Variants in ERICH6 observed in about 807,000 individuals in gnomAD.
ERICH6 encodes glutamate rich 6, also known as glutamate-rich protein 6.
Under a neutral mutation model 71.0 loss-of-function variants are expected in ERICH6, and 71 were observed. The observed-to-expected ratio is 1.00, with a 90% CI of 0.83 to 1.22. The LOEUF is 1.22. Among genes scored for constraint, ERICH6 ranks in the 50% most tolerant of loss-of-function variants. The pLI is 0.00. For missense variants in ERICH6, 808 were observed against 797.2 expected (o/e 1.01, Z -0.16); for synonymous variants, 262 against 278.4 (o/e 0.94, Z 0.59).
At chr3:150,694,598 C>T (rs1463263648) in intron 3 of ERICH6, among the ~76,000 whole-genome samples, 3 of 152,186 alleles carry the variant, frequency 2.0e-5, no homozygotes, top group African/African-American at 7.2e-5. Context: ...TCCTCCTTTC[C>T]TTCTGACCTG....
At chr3:150,697,865 T>C (rs1323441918) in intron 3 of ERICH6, among the ~76,000 whole-genome samples, 1 of 152,244 alleles carries the variant, frequency 6.6e-6, no homozygotes, top group African/African-American at 2.4e-5. Flanking sequence ...CTCAGATCTC[T>C]GTGATCTCAT....
Position 150,659,922 on chromosome 3 carries a change from T to G in ERICH6, c.1962A>C (p.Thr654=). Residue 654 remains threonine (T), a synonymous_variant, in exon 14 of 14, where the codon ACA becomes ACC. Transcript: ENST00000295910. ...TTTCTTCATTTATTATATTTCTTAT[T>G]GTCTTCATTATATCTTGCTTTATAC... ...SSGIKQDIMK[T]IRNIINEEI is the part of the protein sequence containing the mutation. 1 of 1,608,980 alleles carries G rather than the reference T, an allele frequency of 6.2e-7. No homozygotes were observed. Among genetic ancestry groups the G allele is most frequent in the Non-Finnish European group, 8.5e-7 (1 of 1,175,940 alleles).
chr3:150,695,212 G>A (rs1042811137), intron 3 of ERICH6, among the ~76,000 whole-genome samples: 16 of 152,138 alleles, frequency 1.1e-4, no homozygotes, highest in Non-Finnish European at 2.2e-4. Flanking sequence ...CTATTCACAC[G>A]AAATGTAATT....
Position 150,686,334 on chromosome 3 carries a change from T to C in ERICH6, c.574A>G (p.Lys192Glu), listed in dbSNP as rs774442299. The C allele has an allele frequency of 2.2e-5, 36 of 1,614,188 alleles. 1 individual carries two copies. Among genetic ancestry groups the C allele is most frequent in the Non-Finnish European group, 3.1e-5 (36 of 1,180,022 alleles). ...VQSRKKASKE[K>E]AEPECLASKL... ...GATGCCAGACATTCAGGTTCAGCTT[T>C]CTCTTTAGAGGCTTTCTTCCCTGTG... Residue 192 changes from lysine to glutamate, a missense_variant, in exon 4 of 14, where the codon AAA becomes GAA. By Grantham distance (56) the Lys-to-Glu change is moderately conservative. Around this residue, in one of 3 missense-constraint regions of ERICH6, gnomAD observed 736 missense variants for 712.2 expected, o/e 1.03. Coordinates refer to ENST00000295910, the MANE Select transcript of ERICH6 (RefSeq NM_152394.5).
chr3:150,691,240 G>A (rs541996236), intron 3 of ERICH6, among the ~76,000 whole-genome samples: 84 of 152,220 alleles, frequency 5.5e-4, no homozygotes, highest in African/African-American at 1.9e-3. Context: ...ACTTGTAGAT[G>A]AACTCATTAT....
At chr3:150,693,566 T>C (rs1712532940) in intron 3 of ERICH6, among the ~76,000 whole-genome samples, 1 of 152,240 alleles carries the variant, frequency 6.6e-6, no homozygotes, top group African/African-American at 2.4e-5. Context: ...TATCTGAGAT[T>C]CTTTCTATAG....
chr3:150,686,101 C>T (rs1257149482), intron 4 of ERICH6, 80 bp from the exon 5 acceptor site: 3 of 1,280,672 alleles, frequency 2.3e-6, no homozygotes, highest in Admixed American at 1.7e-5. Flanking sequence ...TGGAGATTCA[C>T]ACCCACCATC....
At chr3:150,660,241 T>C (rs1246041031) in intron 13 of ERICH6, 86 bp from the exon 14 acceptor site, 19 of 1,467,548 alleles carry the variant, frequency 1.3e-5, no homozygotes, top group Non-Finnish European at 1.8e-5. Context: ...GGCACTTATG[T>C]GGGGTTGGAT....
At chr3:150,675,858 C>CTTT (rs75713453) in intron 10 of ERICH6, among the ~76,000 whole-genome samples, 1 of 130,946 alleles carries the variant, frequency 7.6e-6, no homozygotes, top group African/African-American at 2.8e-5. Context: ...TCTTTCTTTC[C>CTTT]TTTTTTTTTT....
intron 3 of ERICH6, among the ~76,000 whole-genome samples, chr3:150,692,698 T>C (rs555557496): frequency 3.3e-5 from 5 of 152,300 alleles, no homozygotes; most frequent in Admixed American, 3.3e-4. Context: ...ATTATAATTA[T>C]GTTAAATTAT....
chr3:150,665,515 C>CAAAAAAAA (rs59227415), intron 13 of ERICH6, among the ~76,000 whole-genome samples: 20 of 63,422 alleles, frequency 3.2e-4, no homozygotes, highest in East Asian at 1.2e-3. Context: ...GACTCCATCT[C>CAAAAAAAA]AAAAAAAAAA....
At chr3:150,696,139 A>G (rs1383364680) in intron 3 of ERICH6, among the ~76,000 whole-genome samples, 1 of 152,064 alleles carries the variant, frequency 6.6e-6, no homozygotes, top group African/African-American at 2.4e-5. Flanking sequence ...ATGTACACAC[A>G]TGAAATATAT....
At chr3:150,699,808 T>C (rs1712796614) in intron 2 of ERICH6, among the ~76,000 whole-genome samples, 1 of 150,740 alleles carries the variant, frequency 6.6e-6, no homozygotes, top group South Asian at 2.1e-4. Context: ...AAATTTCAAA[T>C]ATGAATCCTC....
At chr3:150,683,452 A>T (rs1712050351) in intron 6 of ERICH6, among the ~76,000 whole-genome samples, 1 of 152,106 alleles carries the variant, frequency 6.6e-6, no homozygotes. Flanking sequence ...GGGTGAAGCA[A>T]GATGGAGATA....
chr3:150,679,891 C>T (rs1262049599), intron 9 of ERICH6, among the ~76,000 whole-genome samples: 1 of 152,208 alleles, frequency 6.6e-6, no homozygotes, highest in Non-Finnish European at 1.5e-5. Flanking sequence ...CTCCTGACCT[C>T]AGGCGATCCA....
At chr3:150,685,646 C>A in intron 6 of ERICH6, 96 bp downstream of exon 6, 3 of 889,884 alleles carry the variant, frequency 3.4e-6, no homozygotes, top group Non-Finnish European at 4.8e-6. Flanking sequence ...TTTTTTTTTT[C>A]CTTTTAGAGT....
At chr3:150,673,531 T>C (rs1451764439) in intron 11 of ERICH6, among the ~76,000 whole-genome samples, 2 of 152,062 alleles carry the variant, frequency 1.3e-5, no homozygotes, top group Non-Finnish European at 2.9e-5. Flanking sequence ...GTCTTTTTAG[T>C]TAAAATTTCT....
chr3:150,703,136 C>CCA (rs1712980598), intron 1 of ERICH6, among the ~76,000 whole-genome samples: 2 of 151,602 alleles, frequency 1.3e-5, no homozygotes, highest in South Asian at 4.2e-4. Flanking sequence ...TCCAGTTACT[C>CCA]GAGAGGCTGC....
intron 2 of ERICH6, among the ~76,000 whole-genome samples, chr3:150,700,340 A>AT (rs1368807495): frequency 5.6e-5 from 6 of 106,206 alleles, no homozygotes; most frequent in Non-Finnish European, 1.2e-4. Context: ...GTTTTTATTT[A>AT]TTTTTTTATT....
Sources: gnomAD v4.1 joint callset for allele counts (sites outside exome capture counted in the v4.1 genomes callset) on GRCh38, gnomAD v4.1.1 for gene constraint, gnomAD v4.1.1 regional missense constraint, MANE v1.5 for transcripts, NCBI Gene and HGNC (gene_info 2026-07-23, HGNC 2026-07-21) for gene names.